The following SLC24A3 variants were observed in gnomAD, a reference collection of about 807,000 sequenced individuals.
The protein encoded by SLC24A3 is sodium/potassium/calcium exchanger 3.
Under a neutral mutation model 75.8 loss-of-function variants are expected in SLC24A3, and 28 were observed. The observed-to-expected ratio is 0.37, with a 90% CI of 0.27 to 0.51. SLC24A3 has a LOEUF of 0.51. Ranked by LOEUF, SLC24A3 falls within the 20% of genes least tolerant of loss-of-function variation. SLC24A3 has a pLI of 0.94. For missense variants in SLC24A3, 663 were observed against 847.8 expected, an observed-to-expected ratio of 0.78 and a Z score of 2.71; for synonymous variants, 372 against 334.1, an observed-to-expected ratio of 1.11 and a Z score of -1.24.
chr20:19,717,055 G>A lies in SLC24A3; in HGVS notation c.1720-473G>A, dbSNP rs73903727. The stretch of plus-strand genomic sequence containing the variant: ...TCCTCCACTTCTTCCCATCAAGTTA[G>A]GGGAAGGACAGAGACATTTTGGTGC... On this transcript the variant is annotated intron_variant, in intron 15 of 16. Coordinates refer to ENST00000328041, the MANE Select transcript of SLC24A3 (RefSeq NM_020689.4). Among the ~76,000 whole-genome samples the A allele has an allele frequency of 8.0e-3, 1,226 of 152,314 alleles. 18 individuals carry two copies. The highest frequency in any genetic ancestry group is 0.028 in the African/African-American group (1,158 of 41,548).
chr20:19,507,632 C>A (rs1988480538), intron 2 of SLC24A3, among the ~76,000 whole-genome samples: 1 of 152,142 alleles, frequency 6.6e-6, no homozygotes, highest in South Asian at 2.1e-4. Flanking sequence ...TCATTTTGCT[C>A]ACATTTCACT....
chr20:19,275,357 GC>G (rs1255947115), intron 1 of SLC24A3, among the ~76,000 whole-genome samples: 1 of 152,134 alleles, frequency 6.6e-6, no homozygotes, highest in East Asian at 1.9e-4. Context: ...ATAATAAGGG[GC>G]ATAAAAGATA....
At chr20:19,316,997 C>T (rs974012637) in intron 2 of SLC24A3, among the ~76,000 whole-genome samples, 2 of 152,012 alleles carry the variant, frequency 1.3e-5, no homozygotes, top group Non-Finnish European at 2.9e-5. Flanking sequence ...CTCCTCCCAC[C>T]CCTCTGACAA....
chr20:19,670,090 CAT>C (rs979689640), intron 8 of SLC24A3, among the ~76,000 whole-genome samples: 77 of 152,176 alleles, frequency 5.1e-4, no homozygotes, highest in African/African-American at 1.6e-3. Flanking sequence ...GCCAGGGAAA[CAT>C]GTCGTACAAA....
At chr20:19,368,563 A>G (rs1016251819) in intron 2 of SLC24A3, among the ~76,000 whole-genome samples, 1 of 152,130 alleles carries the variant, frequency 6.6e-6, no homozygotes, top group Non-Finnish European at 1.5e-5. Context: ...ACTGCATTCA[A>G]CTGAGGTCTG....
intron 2 of SLC24A3, among the ~76,000 whole-genome samples, chr20:19,355,314 A>G (rs1244881344): frequency 6.6e-6 from 1 of 152,236 alleles, no homozygotes; most frequent in Non-Finnish European, 1.5e-5. Context: ...TGGGTTCAGA[A>G]CACTTCACAT....
chr20:19,472,015 T>A (rs1483517522), intron 2 of SLC24A3, among the ~76,000 whole-genome samples: 1 of 152,256 alleles, frequency 6.6e-6, no homozygotes, highest in East Asian at 1.9e-4. Flanking sequence ...TTAAAATTAT[T>A]CAATTTTTGC....
At chr20:19,616,920 G>T (rs923789054) in intron 6 of SLC24A3, among the ~76,000 whole-genome samples, 1 of 152,176 alleles carries the variant, frequency 6.6e-6, no homozygotes, top group Non-Finnish European at 1.5e-5. Flanking sequence ...CGAGTTCTCC[G>T]TTGGGCAGAA....
intron 6 of SLC24A3, among the ~76,000 whole-genome samples, chr20:19,613,423 G>A (rs922805300): frequency 6.6e-6 from 1 of 152,072 alleles, no homozygotes; most frequent in African/African-American, 2.4e-5. Context: ...ATTTTACAAG[G>A]CACTTCTATT....
At chr20:19,471,485 A>G (rs1486635407) in intron 2 of SLC24A3, among the ~76,000 whole-genome samples, 1 of 152,202 alleles carries the variant, frequency 6.6e-6, no homozygotes, top group South Asian at 2.1e-4. Context: ...TGTTGAATGC[A>G]TGTGTGTTCA....
chr20:19,314,979 C>T (rs1984550532), intron 2 of SLC24A3, among the ~76,000 whole-genome samples: 1 of 152,168 alleles, frequency 6.6e-6, no homozygotes. Context: ...GGTCAAAGGC[C>T]ACACATAAAA....
intron 3 of SLC24A3, among the ~76,000 whole-genome samples, chr20:19,543,091 T>C (rs574519492): frequency 6.6e-6 from 1 of 152,344 alleles, no homozygotes; most frequent in Non-Finnish European, 1.5e-5. Flanking sequence ...GATCATGGCC[T>C]TGTCTATTCC....
intron 2 of SLC24A3, among the ~76,000 whole-genome samples, chr20:19,317,720 C>A (rs1020067231): frequency 6.6e-6 from 1 of 152,206 alleles, no homozygotes; most frequent in African/African-American, 2.4e-5. Flanking sequence ...CCAGCTCACC[C>A]CTTCTTGCCA....
At position 19,721,327 on chromosome 20, in the gene SLC24A3, G is replaced by A. The variant is rs902820614; in HGVS notation, c.*187G>A. 1.6e-6 allele frequency: 1 copy of A among 631,420 alleles called. No homozygotes were observed. The highest frequency in any genetic ancestry group is 2.6e-6 in the Non-Finnish European group (1 of 381,300). 39.1% of individuals were successfully genotyped at this position (631,420 alleles called of 1,614,324 possible). On this transcript the variant is annotated 3_prime_UTR_variant, in exon 17 of 17. Coordinates refer to ENST00000328041, the MANE Select transcript of SLC24A3 (RefSeq NM_020689.4). Reference sequence around the variant, plus strand: ...CATCCTCGCTCCCCCACCTCCTTGGGTCATGCCCACCCACCCTTTCCTGCC... The same window carrying A: ...CATCCTCGCTCCCCCACCTCCTTGGATCATGCCCACCCACCCTTTCCTGCC...
chr20:19,406,953 T>C (rs1423116689), intron 2 of SLC24A3, among the ~76,000 whole-genome samples: 2 of 152,192 alleles, frequency 1.3e-5, no homozygotes, highest in Non-Finnish European at 2.9e-5. Flanking sequence ...TGACATGTGG[T>C]GCTGCCAGGT....
intron 3 of SLC24A3, among the ~76,000 whole-genome samples, chr20:19,562,092 G>A (rs1444520994): frequency 1.3e-5 from 2 of 152,058 alleles, no homozygotes; most frequent in African/African-American, 4.8e-5. Flanking sequence ...GCCTTTATAT[G>A]ATCTCCTGGA....
At chr20:19,461,460 T>C (rs1243194405) in intron 2 of SLC24A3, among the ~76,000 whole-genome samples, 1 of 151,968 alleles carries the variant, frequency 6.6e-6, no homozygotes, top group Non-Finnish European at 1.5e-5. Flanking sequence ...AGTCTGTATA[T>C]AATATGCATG....
intron 9 of SLC24A3, among the ~76,000 whole-genome samples, chr20:19,678,315 G>T (rs1175068323): frequency 7.4e-6 from 1 of 134,726 alleles, no homozygotes; most frequent in Non-Finnish European, 1.7e-5. Context: ...CTCCCAGACG[G>T]GGCGGCTGGC....
intron 2 of SLC24A3, among the ~76,000 whole-genome samples, chr20:19,375,277 G>A (rs763729734): frequency 3.3e-5 from 5 of 152,160 alleles, no homozygotes; most frequent in African/African-American, 4.8e-5. Flanking sequence ...GCTATGTCCC[G>A]ATGCTCAGAA....
Sources: allele counts gnomAD v4.1 joint callset (sites outside exome capture counted in the v4.1 genomes callset), GRCh38; gene constraint gnomAD v4.1.1; transcripts MANE v1.5; gene names NCBI Gene and HGNC (gene_info 2026-07-23, HGNC 2026-07-21).